Variants in NR1H3 observed in about 807,000 individuals in gnomAD.
NR1H3 encodes nuclear receptor subfamily 1 group H member 3, also known as oxysterols receptor LXR-alpha.
NR1H3 carries 19 observed loss-of-function variants against 48.1 expected under a neutral mutation model. The ratio of observed to expected loss-of-function variants is 0.40; its 90% confidence interval spans 0.28 to 0.58. NR1H3 has a LOEUF of 0.58. NR1H3 is among the 20% of genes least tolerant of loss of function. NR1H3 has a pLI of 0.50. For synonymous variants in NR1H3, 232 were observed against 227.3 expected (o/e 1.02, Z -0.19); for missense variants, 486 against 595.9 (o/e 0.82, Z 1.92).
intron 7 of NR1H3, among the ~76,000 whole-genome samples, chr11:47,267,357 G>T (rs191851853): frequency 3.9e-4 from 59 of 152,264 alleles, no homozygotes; most frequent in Non-Finnish European, 7.4e-4. Flanking sequence ...AGCACCTCTT[G>T]TGTGCCAGAC....
upstream of NR1H3, chr11:47,257,926 G>A: frequency 1.0e-6 from 1 of 985,478 alleles, no homozygotes; most frequent in Non-Finnish European, 1.2e-6. Context: ...CAGGAAGGAG[G>A]GGTGGCCTGA....
intron 7 of NR1H3, among the ~76,000 whole-genome samples, chr11:47,267,139 A>C (rs1956572048): frequency 6.6e-6 from 1 of 151,828 alleles, no homozygotes; most frequent in Non-Finnish European, 1.5e-5. Context: ...AAATCCTGTC[A>C]CAACTGAAAA....
At chr11:47,265,264 G>A (rs1332982319) in intron 7 of NR1H3, among the ~76,000 whole-genome samples, 2 of 152,094 alleles carry the variant, frequency 1.3e-5, no homozygotes, top group African/African-American at 2.4e-5. Context: ...CTGCACTCCA[G>A]CCTGGGTGAC....
chr11:47,262,170 T>C lies in NR1H3; in HGVS notation c.988+152T>C, dbSNP rs1449949135. 1.1e-5 allele frequency: 7 copies of C among 615,434 alleles called. No individual in the cohort carries two copies. The East Asian group carries it at 1.7e-4, about 15-fold the overall frequency. 38.1% of individuals were successfully genotyped at this position (615,434 alleles called of 1,614,324 possible). A position where few individuals can be genotyped will look rare whatever the true frequency, so the allele number is the denominator to read the frequency against. On this transcript the variant is annotated intron_variant, in intron 7 of 9. Coordinates refer to ENST00000441012, the MANE Select transcript of NR1H3 (RefSeq NM_005693.4). ...CGAGGTGGGCAGATCACCAGGTCAGTAGATCAAGACCATTCTGGCTAACAC... is the reference window on the plus strand; with the variant it reads ...CGAGGTGGGCAGATCACCAGGTCAGCAGATCAAGACCATTCTGGCTAACAC...
At chr11:47,255,549 C>CTTTCTT (rs1445162105), upstream of NR1H3, among the ~76,000 whole-genome samples, 128 of 54,900 alleles carry the variant, frequency 2.3e-3, no homozygotes, top group African/African-American at 8.2e-3. Context: ...CTTTTTCTTT[C>CTTTCTT]TTTCTTTCTT....
At position 47,259,417 on chromosome 11, in the gene NR1H3, C is replaced by G. The variant is rs539217048; in HGVS notation, c.43+158C>G. On this transcript the variant is annotated intron_variant, in intron 2 of 9. Transcript: ENST00000441012. ...TGCCTCCCGCCCAGATCACCTCTCC[C>G]CTGGTTCCAGTGCCTGGCCCTTGCA... 1.3e-5 allele frequency: 20 copies of G among 1,566,278 alleles called. No individual in the cohort carries two copies. In the African/African-American group the frequency reaches 2.6e-4, roughly 20 times the overall value.
rs547431468 is a variant in NR1H3, at chr11:47,250,289, G to A, written c.-93+1290G>A. The stretch of plus-strand genomic sequence containing the variant: ...GCTGGGTGTGGTGGCACACACCTGT[G>A]GTCCTAGCTCCTCGGGAGGCTGAGG... On this transcript the variant is annotated intron_variant, in intron 1 of 8. Coordinates refer to the NR1H3 transcript ENST00000395397. 1.2e-4 allele frequency among the ~76,000 whole-genome samples: 18 copies of A among 152,098 alleles called. No individual in the cohort carries two copies. In the South Asian group the frequency reaches 3.1e-3, roughly 26 times the overall value.
Position 47,260,624 on chromosome 11 carries a change from T to C in NR1H3, c.448T>C (p.Cys150Arg). 1 of 1,612,148 alleles carries C rather than the reference T, an allele frequency of 6.2e-7. No homozygotes were observed. The change falls in exon 4 of 10, where the codon TGC becomes CGC. Residue 150 changes from cysteine to arginine, a missense_variant. Coordinates refer to ENST00000441012, the MANE Select transcript of NR1H3 (RefSeq NM_005693.4). Reference sequence around the variant, plus strand: ...CATGGACACCTACATGCGTCGCAAGTGCCAGGAGTGTCGGCTTCGCAAATG... The same window carrying C: ...CATGGACACCTACATGCGTCGCAAGCGCCAGGAGTGTCGGCTTCGCAAATG... ...CPMDTYMRRK[C>R]QECRLRKCRQ...
chr11:47,248,785 G>C (rs745331375), upstream of NR1H3: 78 of 1,593,054 alleles, frequency 4.9e-5, no homozygotes, highest in Non-Finnish European at 6.2e-5. Context: ...CCGCTTGCCC[G>C]CCATCACCGT....
upstream of NR1H3, chr11:47,248,876 C>T (rs1012028402): frequency 1.3e-6 from 2 of 1,549,864 alleles, no homozygotes; most frequent in Admixed American, 2.0e-5. Context: ...TAAGGACACA[C>T]GCCGGAAGTG....
At position 47,251,063 on chromosome 11, in the gene NR1H3, G is replaced by C. The variant is rs145982168; in HGVS notation, c.-93+2064G>C. Among the ~76,000 whole-genome samples, 852 of 152,196 alleles carry C rather than the reference G, an allele frequency of 5.6e-3. 7 individuals carry two copies. The highest frequency in any genetic ancestry group is 0.019 in the African/African-American group (793 of 41,522). The stretch of plus-strand genomic sequence containing the variant: ...AGTCCCAGCTACTCAGGAGGCTGAG[G>C]CAGGAGAATGTCGTGAACCCAGCAG... On this transcript the variant is annotated intron_variant, in intron 1 of 8. Transcript: ENST00000395397.
intron 9 of NR1H3, 84 bp downstream of exon 9, chr11:47,268,439 C>G (rs1957414254): frequency 6.3e-7 from 1 of 1,588,760 alleles, no homozygotes; most frequent in Non-Finnish European, 8.6e-7. Context: ...TCAAGAATTT[C>G]TCTCTGACTG....
At position 47,261,378 on chromosome 11, in the gene NR1H3, A is replaced by G. The variant is rs199947343; in HGVS notation, c.637A>G (p.Met213Val). The G allele has an allele frequency of 1.4e-4, 233 of 1,613,854 alleles. 1 individual carries two copies. The highest frequency in any genetic ancestry group is 1.4e-5 in the Non-Finnish European group (17 of 1,179,994). ...CCAGCTCAGCCCGGAACAACTGGGC[A>G]TGATCGAGAAGCTCGTCGCTGCCCA... ...LPQLSPEQLGMIEKLVAAQQQ... is the reference protein window; with the variant it reads ...LPQLSPEQLGVIEKLVAAQQQ... The change falls in exon 5 of 10, where the codon ATG (methionine) becomes GTG (valine). Residue 213 changes from methionine (M) to valine (V), a missense_variant. By Grantham distance (21) the Met-to-Val change is conservative. Transcript: ENST00000441012.
In NR1H3 at chr11:47,259,980, G is replaced by A. The variant is rs906656711; in HGVS notation, c.232+1G>A. 1 of 1,515,860 alleles carries A rather than the reference G, an allele frequency of 6.6e-7. No homozygotes were observed. The highest frequency in any genetic ancestry group is 1.4e-5 in the African/African-American group (1 of 71,568). 93.9% of individuals were successfully genotyped at this position (1,515,860 alleles called of 1,614,324 possible). The stretch of plus-strand genomic sequence containing the variant: ...GCAGAGCCCCCTTCAGAACCCACAG[G>A]TGAGGAGCTTCTGGGTTTGGAGGAG... On this transcript the variant is annotated splice_donor_variant, in intron 3 of 9. Coordinates refer to ENST00000441012, the MANE Select transcript of NR1H3 (RefSeq NM_005693.4). LOFTEE classifies it high-confidence loss of function.
chr11:47,250,427 A>G (rs1954549298), intron 1 of NR1H3: 2 of 152,136 alleles, frequency 1.3e-5, no homozygotes, highest in African/African-American at 4.8e-5. Context: ...AAGAAAAGAA[A>G]AAAAAAGATC....
intron 8 of NR1H3, 42 bp downstream of exon 8, chr11:47,268,068 C>A: frequency 1.4e-6 from 2 of 1,466,812 alleles, no homozygotes; most frequent in Non-Finnish European, 1.9e-6. Context: ...AGACTTACAC[C>A]AAGGAGGGCT....
rs749086742 is a variant in NR1H3, at chr11:47,267,915, C to T, written c.991C>T (p.Leu331=). 5.6e-6 allele frequency: 9 copies of T among 1,611,800 alleles called. No individual in the cohort carries two copies. The highest frequency in any genetic ancestry group is 3.3e-5 in the Admixed American group (2 of 60,002). ...CAGCCTCCCTTCTTCCTCCCCAGGGCTGCAAGTGGAATTCATCAACCCCAT... is the reference window on the plus strand; with the variant it reads ...CAGCCTCCCTTCTTCCTCCCCAGGGTTGCAAGTGGAATTCATCAACCCCAT... ...YNREDFAKAG[L]QVEFINPIFE... The change falls in exon 8 of 10, where the codon CTG becomes TTG. Residue 331 remains leucine (L), a splice_region_variant and synonymous_variant. Transcript: ENST00000441012.
At chr11:47,253,513 G>A (rs10838681), upstream of NR1H3, among the ~76,000 whole-genome samples, 52,293 of 152,000 alleles carry the variant, frequency 0.34, 10,020 homozygotes, top group East Asian at 0.71. Flanking sequence ...TAGATACGCA[G>A]TGGTCTGCAA....
chr11:47,263,438 A>AT (rs1049602311), intron 7 of NR1H3, among the ~76,000 whole-genome samples: 7 of 150,904 alleles, frequency 4.6e-5, no homozygotes, highest in South Asian at 2.1e-4. Context: ...TAATTTTTAT[A>AT]TTTTTTTGTA....
Sources: allele counts gnomAD v4.1 joint callset (sites outside exome capture counted in the v4.1 genomes callset), GRCh38; gene constraint gnomAD v4.1.1; transcripts MANE v1.5; gene names NCBI Gene and HGNC (gene_info 2026-07-23, HGNC 2026-07-21).